FEZ2: variants seen among roughly 807,000 people sequenced by gnomAD.
FEZ2 encodes the protein fasciculation and elongation protein zeta 2, also known as fasciculation and elongation protein zeta-2.
In FEZ2, 51 loss-of-function variants were observed where a neutral mutation model predicts 40.4. That is an observed-to-expected ratio of 1.26 (90% confidence interval 1.01 to 1.59). The LOEUF is 1.59. FEZ2 is among the 40% of genes most tolerant of loss of function. FEZ2 has a pLI of 0.00. For missense variants in FEZ2, 640 were observed against 438.3 expected, an observed-to-expected ratio of 1.46 and a Z score of -4.11; for synonymous variants, 242 against 172.0, an observed-to-expected ratio of 1.41 and a Z score of -3.18.
At chr2:36,567,504 G>A (rs887573732) in intron 5 of FEZ2, among the ~76,000 whole-genome samples, 1 of 152,162 alleles carries the variant, frequency 6.6e-6, no homozygotes, top group Non-Finnish European at 1.5e-5. Context: ...GCTCACGCCT[G>A]TAATCCCAGC....
intron 5 of FEZ2, among the ~76,000 whole-genome samples, chr2:36,576,570 C>CG (rs1668577098): frequency 6.6e-6 from 1 of 152,166 alleles, no homozygotes; most frequent in East Asian, 1.9e-4. Context: ...CGCGCCCGGC[C>CG]GCATTTTAGG....
chr2:36,557,245 T>C (rs1198463755), intron 6 of FEZ2: 1 of 152,194 alleles, frequency 6.6e-6, no homozygotes, highest in Non-Finnish European at 1.5e-5. Flanking sequence ...TCCCCCTGTG[T>C]GATCTTGGAC....
rs982110844 is a variant in FEZ2, at chr2:36,560,981, C to A, written c.904-2468G>T. Reference sequence around the variant, plus strand: ...CCAAGAGGCAAGCAGTTAGAAAATGCCACTACTCATCCAGATAAAGCACAT... The same window carrying A: ...CCAAGAGGCAAGCAGTTAGAAAATGACACTACTCATCCAGATAAAGCACAT... On this transcript the variant is annotated intron_variant, in intron 5 of 7. Coordinates refer to ENST00000405912, the MANE Select transcript of FEZ2 (RefSeq NM_005102.3). 3 of 547,122 alleles carry A rather than the reference C, an allele frequency of 5.5e-6. No homozygotes were observed. In the African/African-American group the frequency reaches 5.7e-5, roughly 10 times the overall value. 33.9% of individuals were successfully genotyped at this position (547,122 alleles called of 1,614,324 possible). A position where few individuals can be genotyped will look rare whatever the true frequency, so the allele number is the denominator to read the frequency against.
intron 6 of FEZ2, chr2:36,556,067 TA>T (rs1667952801): frequency 1.2e-5 from 6 of 516,706 alleles, no homozygotes; most frequent in Non-Finnish European, 1.9e-5. Flanking sequence ...CGCTCTGTAA[TA>T]ATACCGGAAA....
intron 5 of FEZ2, among the ~76,000 whole-genome samples, chr2:36,561,119 T>C (rs537323549): frequency 6.6e-6 from 1 of 152,258 alleles, no homozygotes; most frequent in Non-Finnish European, 1.5e-5. Context: ...ATGTAGCTAA[T>C]TGTTCCAATG....
At chr2:36,590,649 T>G (rs1419264087) in intron 2 of FEZ2, 8 of 397,576 alleles carry the variant, frequency 2.0e-5, no homozygotes, top group Non-Finnish European at 3.6e-5. Flanking sequence ...AGAGTGAGAC[T>G]CCGTCAAAAA....
chr2:36,581,671 C>T (rs1668754396), intron 3 of FEZ2: 1 of 421,338 alleles, frequency 2.4e-6, no homozygotes, highest in East Asian at 4.4e-5. Flanking sequence ...TTTACTACGT[C>T]CATCATGATT....
In FEZ2 at chr2:36,564,859, C is replaced by G. The variant is rs139946362; in HGVS notation, c.904-6346G>C. Among the ~76,000 whole-genome samples, 212 of 152,290 alleles carry G rather than the reference C, an allele frequency of 1.4e-3. 1 individual carries two copies. Among genetic ancestry groups the G allele is most frequent in the African/African-American group, 4.9e-3 (202 of 41,574 alleles). On this transcript the variant is annotated intron_variant, in intron 5 of 7. Transcript: ENST00000405912. ...AGCATCTATGGAATATGTCCATTCTCTCCTCCTTTTTATAAGATGTTATTG... is the reference window on the plus strand; with the variant it reads ...AGCATCTATGGAATATGTCCATTCTGTCCTCCTTTTTATAAGATGTTATTG...
At chr2:36,592,769 G>A (rs1332559704) in intron 1 of FEZ2, among the ~76,000 whole-genome samples, 2 of 152,006 alleles carry the variant, frequency 1.3e-5, no homozygotes. Context: ...GAGCTATGAT[G>A]GCACCACTGT....
At chr2:36,595,560 C>A (rs748444427) in intron 1 of FEZ2, among the ~76,000 whole-genome samples, 7 of 152,164 alleles carry the variant, frequency 4.6e-5, no homozygotes, top group Non-Finnish European at 1.0e-4. Flanking sequence ...CTCACTCAGC[C>A]ACTCACCTCC....
chr2:36,582,791 G>A (rs890482334), intron 3 of FEZ2, among the ~76,000 whole-genome samples: 1 of 152,178 alleles, frequency 6.6e-6, no homozygotes, highest in Non-Finnish European at 1.5e-5. Flanking sequence ...TTTATTTCAG[G>A]AAGAAGTTCT....
At chr2:36,593,011 G>T (rs1218218846) in intron 1 of FEZ2, among the ~76,000 whole-genome samples, 1 of 152,080 alleles carries the variant, frequency 6.6e-6, no homozygotes, top group Admixed American at 6.6e-5. Flanking sequence ...TACTAAATTT[G>T]CTGGGTTTCT....
At chr2:36,571,300 T>C (rs1210169496) in intron 5 of FEZ2, among the ~76,000 whole-genome samples, 1 of 152,206 alleles carries the variant, frequency 6.6e-6, no homozygotes, top group Non-Finnish European at 1.5e-5. Flanking sequence ...CTAAAGAAAA[T>C]GCAGCAAGAT....
At chr2:36,574,521 A>C (rs1433495108) in intron 5 of FEZ2, among the ~76,000 whole-genome samples, 1 of 152,210 alleles carries the variant, frequency 6.6e-6, no homozygotes, top group Non-Finnish European at 1.5e-5. Flanking sequence ...TAATAGAAAT[A>C]CTAAAGAGGA....
At chr2:36,586,591 C>A (rs936959099) in intron 2 of FEZ2, among the ~76,000 whole-genome samples, 12 of 148,940 alleles carry the variant, frequency 8.1e-5, no homozygotes, top group Non-Finnish European at 1.8e-4. Context: ...GGTGCCACTG[C>A]GCTCCAGCCT....
At chr2:36,595,961 G>A (rs1669210842) in intron 1 of FEZ2, among the ~76,000 whole-genome samples, 2 of 152,182 alleles carry the variant, frequency 1.3e-5, no homozygotes, top group African/African-American at 4.8e-5. Flanking sequence ...ATTGATTTAA[G>A]TCAGCTACTC....
rs1669287264 is a variant in FEZ2 at position 36,597,957 on chromosome 2, G to T, written c.186C>A (p.Phe62Leu). The T allele has an allele frequency of 1.4e-6, 2 of 1,469,006 alleles. No individual in the cohort carries two copies. Among genetic ancestry groups the T allele is most frequent in the South Asian group, 2.6e-5 (2 of 77,520 alleles). 91.0% of individuals were successfully genotyped at this position (1,469,006 alleles called of 1,614,324 possible). ...GCTCGGCGCCCGGATCCGAGGGGCG[G>T]AAGCACAGGCTCAGCTTCTCCTCCA... ...CSLEEKLSLC[F>L]RPSDPGAEPP... Residue 62 changes from phenylalanine to leucine, a missense_variant, in exon 1 of 8, where the codon TTC becomes TTA. Transcript: ENST00000405912.
At chr2:36,566,550 G>A (rs1295336254) in intron 5 of FEZ2, among the ~76,000 whole-genome samples, 1 of 152,166 alleles carries the variant, frequency 6.6e-6, no homozygotes, top group Non-Finnish European at 1.5e-5. Flanking sequence ...AGACCAGTAT[G>A]TAGGAGGCAT....
chr2:36,592,892 T>G (rs1012601711), intron 1 of FEZ2, among the ~76,000 whole-genome samples: 1 of 152,154 alleles, frequency 6.6e-6, no homozygotes, highest in Non-Finnish European at 1.5e-5. Context: ...GAGAACTAAC[T>G]CATCTACCCA....
Sources: gnomAD v4.1 joint callset for allele counts (sites outside exome capture counted in the v4.1 genomes callset) on GRCh38, gnomAD v4.1.1 for gene constraint, MANE v1.5 for transcripts, NCBI Gene and HGNC (gene_info 2026-07-23, HGNC 2026-07-21) for gene names.